ITPR3: variants seen among roughly 807,000 people sequenced by gnomAD.
ITPR3 encodes inositol 1,4,5-trisphosphate receptor type 3, also known as inositol 1,4,5-trisphosphate-gated calcium channel ITPR3.
A neutral mutation model predicts 293.2 loss-of-function variants in ITPR3; 173 were observed. That is an observed-to-expected ratio of 0.59 (90% CI 0.52 to 0.67). The LOEUF is 0.67. ITPR3 is among the 30% of genes least tolerant of loss of function. The pLI, the probability that ITPR3 is intolerant of heterozygous loss-of-function variation, is 0.00. For missense variants in ITPR3, 2,796 were observed against 3,592.1 expected, an observed-to-expected ratio of 0.78 and a Z score of 5.66; for synonymous variants, 1,295 against 1,444.4, an observed-to-expected ratio of 0.90 and a Z score of 2.35.
chr6:33,652,555 C>A lies in ITPR3; in HGVS notation c.161-3211C>A, dbSNP rs547582528. The stretch of plus-strand genomic sequence containing the variant: ...AGCTCACTGCAGCCTCTGCCCCCGA[C>A]CCCCGGTTCAAGTGATTCTCCTGCC... On this transcript the variant is annotated intron_variant, in intron 2 of 57. Transcript: ENST00000605930. Among the ~76,000 whole-genome samples, 3 of 151,312 alleles carry A rather than the reference C, an allele frequency of 2.0e-5. No homozygotes were observed. In the South Asian group the frequency reaches 6.3e-4, roughly 32 times the overall value.
At position 33,677,021 on chromosome 6, in the gene ITPR3, A is replaced by G; in HGVS notation, c.3454A>G (p.Thr1152Ala). 1 of 1,614,166 alleles carries G rather than the reference A, an allele frequency of 6.2e-7. No individual in the cohort carries two copies. The highest frequency in any genetic ancestry group is 8.5e-7 in the Non-Finnish European group (1 of 1,180,000). Residue 1152 changes from threonine (T) to alanine (A), a missense_variant, in exon 27 of 58, where the codon ACG becomes GCG. Thr to Ala is a moderately conservative substitution (Grantham distance 58). Transcript: ENST00000605930. ...TTCCTCTCTCTGCTTTCAGCGTCCCACGGACGAGGAGGGCTTTCTGCACCC... is the reference window on the plus strand; with the variant it reads ...TTCCTCTCTCTGCTTTCAGCGTCCCGCGGACGAGGAGGGCTTTCTGCACCC... ...GAAKDKKERPTDEEGFLHPPG... is the reference protein window; with the variant it reads ...GAAKDKKERPADEEGFLHPPG...
chr6:33,687,427 C>T lies in ITPR3; in HGVS notation c.6178-51C>T, dbSNP rs776259301. On this transcript the variant is annotated intron_variant, in intron 45 of 57. Transcript: ENST00000605930. The surrounding 1 kb of genome is among the most constrained non-coding windows in gnomAD (Gnocchi z 5.3). ...AGTCGCCATTGTCGCCCCCCAGCCA[C>T]CATGTCCCCCAGCCACCACACCCTG... is the stretch of plus-strand genomic sequence containing the variant. 63 of 1,555,342 alleles carry T rather than the reference C, an allele frequency of 4.1e-5. No individual in the cohort carries two copies. In the Middle Eastern group the frequency reaches 6.7e-4, roughly 17 times the overall value.
intron 1 of ITPR3, among the ~76,000 whole-genome samples, chr6:33,627,745 A>G (rs1763581264): frequency 6.6e-6 from 1 of 152,234 alleles, no homozygotes; most frequent in Admixed American, 6.5e-5. Context: ...AGAGGGTCAG[A>G]CATGATTCAT....
chr6:33,677,162 C>T (rs1002553489), intron 27 of ITPR3, 73 bp downstream of exon 27: 3 of 1,351,456 alleles, frequency 2.2e-6, no homozygotes, highest in Non-Finnish European at 3.2e-6. Context: ...TGGCCCGGCC[C>T]CCTGTGCCTC....
At chr6:33,646,832 G>T (rs967458659) in intron 2 of ITPR3, among the ~76,000 whole-genome samples, 5 of 151,986 alleles carry the variant, frequency 3.3e-5, no homozygotes, top group Admixed American at 6.6e-5. Flanking sequence ...TGGGAGGATC[G>T]CATGAGGCCA....
chr6:33,646,214 T>C (rs1417042369), intron 2 of ITPR3, among the ~76,000 whole-genome samples: 2 of 152,084 alleles, frequency 1.3e-5, no homozygotes, highest in African/African-American at 2.4e-5. Flanking sequence ...CACTCTACCC[T>C]GGTCCTCCAC....
Position 33,658,273 on chromosome 6 carries a change from G to C in ITPR3, c.369+255G>C, listed in dbSNP as rs1284444301. On this transcript the variant is annotated intron_variant, in intron 4 of 57. Transcript: ENST00000605930. The surrounding 1 kb of genome is among the most constrained non-coding windows in gnomAD (Gnocchi z 6.1). ...CATGGAGTCTGGAGCCACGTTGTCT[G>C]GATTCAAATCTTGGCTCTGCCACTC... Among the ~76,000 whole-genome samples, 1 of 152,184 alleles carries C rather than the reference G, an allele frequency of 6.6e-6. No individual in the cohort carries two copies. Among genetic ancestry groups the C allele is most frequent in the Non-Finnish European group, 1.5e-5 (1 of 68,026 alleles).
chr6:33,661,046 C>T (rs536912285), intron 7 of ITPR3, among the ~76,000 whole-genome samples: 115 of 152,330 alleles, frequency 7.5e-4, no homozygotes, highest in Non-Finnish European at 1.4e-3. Context: ...CTCCGTGGTT[C>T]CAAGGCAGCT....
rs59595237 is a variant in ITPR3 at position 33,675,425 on chromosome 6, C to CAA, written c.3117-252_3117-251dup. 8.1e-4 allele frequency among the ~76,000 whole-genome samples: 79 copies of CAA among 98,044 alleles called. No individual in the cohort carries two copies. Among genetic ancestry groups the CAA allele is most frequent in the Admixed American group, 3.7e-3 (33 of 9,012 alleles). The allele number at this position is 98,044 out of a possible 152,430, so 64.3% of individuals were successfully genotyped here. ...TGGGTGACAGAGCAAGACTCTGTCT[C>CAA]AAAAAAAAAAAAAAAGAGTCCTTGC... is the stretch of plus-strand genomic sequence containing the variant. On this transcript the variant is annotated intron_variant, in intron 24 of 57. Coordinates refer to ENST00000605930, the MANE Select transcript of ITPR3 (RefSeq NM_002224.4). The surrounding 1 kb of genome is among the most constrained non-coding windows in gnomAD (Gnocchi z 5.0).
rs765569789 is a variant in ITPR3 at position 33,675,667 on chromosome 6, C to T, written c.3117-24C>T. 1.9e-5 allele frequency: 30 copies of T among 1,568,192 alleles called. No individual in the cohort carries two copies. Among genetic ancestry groups the T allele is most frequent in the African/African-American group, 2.7e-5 (2 of 74,092 alleles). On this transcript the variant is annotated intron_variant, in intron 24 of 57. Transcript: ENST00000605930. This position sits in a 1 kb window ranked among gnomAD's most constrained non-coding sequence, Gnocchi z 5.0. ...AGGGAGTGTGCCAGTCTCACCCATG[C>T]GCCCTGCACCCTTGTGCCCGCAGGA...
chr6:33,629,873 A>G (rs902115683), intron 1 of ITPR3, among the ~76,000 whole-genome samples: 11 of 151,900 alleles, frequency 7.2e-5, no homozygotes, highest in African/African-American at 2.4e-4. Context: ...CAGGCGGATC[A>G]CGAGGTCAAG....
rs978945034 is a variant in ITPR3 at position 33,633,581 on chromosome 6, G to A, written c.90-6903G>A. On this transcript the variant is annotated intron_variant, in intron 1 of 57. Coordinates refer to ENST00000605930, the MANE Select transcript of ITPR3 (RefSeq NM_002224.4). This position sits in a 1 kb window ranked among gnomAD's most constrained non-coding sequence, Gnocchi z 5.2. The stretch of plus-strand genomic sequence containing the variant: ...AGAGCAGGAAAGCGCGGGCGCAGCG[G>A]CACATCACCCGCCCCGCCCCCGGGC... Among the ~76,000 whole-genome samples, 4 of 151,786 alleles carry A rather than the reference G, an allele frequency of 2.6e-5. No homozygotes were observed. The highest frequency in any genetic ancestry group is 4.4e-5 in the Non-Finnish European group (3 of 67,838).
At chr6:33,629,867 C>T (rs1277336471) in intron 1 of ITPR3, among the ~76,000 whole-genome samples, 1 of 151,662 alleles carries the variant, frequency 6.6e-6, no homozygotes, top group African/African-American at 2.4e-5. Flanking sequence ...CTGAGGCAGG[C>T]GGATCACGAG....
Position 33,676,191 on chromosome 6 carries a change from A to T in ITPR3, c.3282+335A>T, listed in dbSNP as rs1028475026. On this transcript the variant is annotated intron_variant, in intron 25 of 57. Coordinates refer to ENST00000605930, the MANE Select transcript of ITPR3 (RefSeq NM_002224.4). ...ACGCAGTCCCGACAGCTCCCTGTGA[A>T]ATATCAATACCAGTCGGCGTTGGCC... is the stretch of plus-strand genomic sequence containing the variant. Among the ~76,000 whole-genome samples, 3 of 152,358 alleles carry T rather than the reference A, an allele frequency of 2.0e-5. No homozygotes were observed. The East Asian group carries it at 5.8e-4, about 29-fold the overall frequency.
In ITPR3 at chr6:33,673,496, C is replaced by T; in HGVS notation, c.2929-95C>T. 3 of 1,515,316 alleles carry T rather than the reference C, an allele frequency of 2.0e-6. No homozygotes were observed. In the South Asian group the frequency reaches 3.8e-5, roughly 19 times the overall value. 93.9% of individuals were successfully genotyped at this position (1,515,316 alleles called of 1,614,324 possible). A position where few individuals can be genotyped will look rare whatever the true frequency, so the allele number is the denominator to read the frequency against. On this transcript the variant is annotated intron_variant, in intron 22 of 57. Transcript: ENST00000605930. ...CCAAGTGCTAGAGCCTATTTGGGGG[C>T]TCCCTGCCCCCTGCCCCCCATAAAG...
Position 33,692,221 on chromosome 6 carries a change from C to T in ITPR3, c.7458+293C>T, listed in dbSNP as rs138896881. On this transcript the variant is annotated intron_variant, in intron 54 of 57. Transcript: ENST00000605930. This position sits in a 1 kb window ranked among gnomAD's most constrained non-coding sequence, Gnocchi z 4.2. ...TAGCCCACAGCAGGTGGGCAGAGGGCGGAGCTGAGTCAGCTTTATCAGGAG... is the reference window on the plus strand; with the variant it reads ...TAGCCCACAGCAGGTGGGCAGAGGGTGGAGCTGAGTCAGCTTTATCAGGAG... 1.6e-3 allele frequency among the ~76,000 whole-genome samples: 251 copies of T among 152,336 alleles called. 1 individual carries two copies. The highest frequency in any genetic ancestry group is 5.7e-3 in the African/African-American group (235 of 41,570).
chr6:33,681,041 A>C (rs1765062290), intron 33 of ITPR3, among the ~76,000 whole-genome samples: 1 of 152,046 alleles, frequency 6.6e-6, no homozygotes, highest in Admixed American at 6.6e-5. Context: ...GGATGGTCTC[A>C]ATCTCCTGAC....
At chr6:33,635,694 A>G (rs184646983) in intron 1 of ITPR3, among the ~76,000 whole-genome samples, 28 of 152,252 alleles carry the variant, frequency 1.8e-4, no homozygotes, top group Middle Eastern at 3.4e-3. Flanking sequence ...TCCAGTCTCC[A>G]TGGGAACAGG....
chr6:33,677,401 C>A, intron 27 of ITPR3, 103 bp from the exon 28 acceptor site: 2 of 1,525,676 alleles, frequency 1.3e-6, no homozygotes, highest in Non-Finnish European at 1.8e-6. Context: ...CCTCCTTCCC[C>A]CTTCCTGTCC....
Sources: allele counts gnomAD v4.1 joint callset (sites outside exome capture counted in the v4.1 genomes callset), GRCh38; gene constraint gnomAD v4.1.1; non-coding constraint Gnocchi (gnomAD v3.1); transcripts MANE v1.5; gene names NCBI Gene and HGNC (gene_info 2026-07-23, HGNC 2026-07-21).